UBE2E2: variants seen among roughly 807,000 people sequenced by gnomAD.
UBE2E2 encodes the protein ubiquitin conjugating enzyme E2 E2.
A neutral mutation model predicts 24.7 loss-of-function variants in UBE2E2; 6 were observed. The observed-to-expected ratio is 0.24, with a 90% CI of 0.13 to 0.48. The LOEUF (loss-of-function observed/expected upper bound fraction) is 0.48, where lower values mean the gene tolerates loss of function less well. Among genes scored for constraint, UBE2E2 ranks in the 20% least tolerant of loss-of-function variants. The probability of loss-of-function intolerance (pLI) is 0.99; values close to 1 mark genes in which losing one functional copy is unlikely to be tolerated. For missense variants in UBE2E2, 169 were observed against 245.0 expected, an observed-to-expected ratio of 0.69 and a Z score of 2.07; for synonymous variants, 104 against 83.6, an observed-to-expected ratio of 1.24 and a Z score of -1.33.
rs1237493716 is a variant in UBE2E2 at position 23,298,375 on chromosome 3, A to G, written c.227+81063A>G. ...ATCCCTGTCTTGTGCCAGTTTTCAA[A>G]GGGAATGCTTCCAGTTTTTGCCCAT... On this transcript the variant is annotated intron_variant, in intron 3 of 5. Transcript: ENST00000396703. 2.2e-3 allele frequency among the ~76,000 whole-genome samples: 337 copies of G among 152,146 alleles called. 3 individuals are homozygous for G. The highest frequency in any genetic ancestry group is 7.8e-3 in the African/African-American group (322 of 41,530).
chr3:23,415,947 A>G (rs1194561684), intron 3 of UBE2E2, among the ~76,000 whole-genome samples: 1 of 150,822 alleles, frequency 6.6e-6, no homozygotes, highest in Non-Finnish European at 1.5e-5. Flanking sequence ...CCCTGTGTCC[A>G]TGTGTTCTCA....
chr3:23,537,936 A>G (rs1695304057), intron 5 of UBE2E2, among the ~76,000 whole-genome samples: 1 of 152,178 alleles, frequency 6.6e-6, no homozygotes, highest in Non-Finnish European at 1.5e-5. Flanking sequence ...GACTGATGAA[A>G]GGTACATATA....
chr3:23,383,867 C>T (rs565654736), intron 3 of UBE2E2, among the ~76,000 whole-genome samples: 5 of 150,096 alleles, frequency 3.3e-5, no homozygotes, highest in Non-Finnish European at 5.9e-5. Context: ...AATAGTATAT[C>T]CATCAATGAA....
intron 3 of UBE2E2, among the ~76,000 whole-genome samples, chr3:23,338,746 C>T (rs1695285498): frequency 6.6e-6 from 1 of 151,886 alleles, no homozygotes; most frequent in African/African-American, 2.4e-5. Context: ...TAATAATGGG[C>T]CATAACCCAT....
chr3:23,204,045 G>A (rs1696054836), intron 1 of UBE2E2, among the ~76,000 whole-genome samples: 1 of 152,006 alleles, frequency 6.6e-6, no homozygotes, highest in South Asian at 2.1e-4. Flanking sequence ...GCTTGTCACA[G>A]TTTGGAACCG....
chr3:23,510,925 C>T (rs916308210), intron 4 of UBE2E2, among the ~76,000 whole-genome samples: 1 of 151,984 alleles, frequency 6.6e-6, no homozygotes, highest in Non-Finnish European at 1.5e-5. Context: ...TAGTTCAGCC[C>T]AGAAAAGAAT....
At chr3:23,360,993 A>G (rs773453113) in intron 3 of UBE2E2, among the ~76,000 whole-genome samples, 1 of 152,100 alleles carries the variant, frequency 6.6e-6, no homozygotes, top group Non-Finnish European at 1.5e-5. Flanking sequence ...CAAGAAAAAA[A>G]AATCCCATCA....
intron 3 of UBE2E2, among the ~76,000 whole-genome samples, chr3:23,355,667 T>C (rs539989711): frequency 6.6e-6 from 1 of 152,322 alleles, no homozygotes; most frequent in East Asian, 1.9e-4. Context: ...AGTTTATACC[T>C]ACTGTGCTGG....
At chr3:23,433,273 A>G (rs1276959202) in intron 3 of UBE2E2, among the ~76,000 whole-genome samples, 1 of 151,950 alleles carries the variant, frequency 6.6e-6, no homozygotes, top group African/African-American at 2.4e-5. Flanking sequence ...AAGAATTAGA[A>G]TAACTTCATA....
At chr3:23,471,633 T>A (rs1464221425) in intron 3 of UBE2E2, among the ~76,000 whole-genome samples, 1 of 152,166 alleles carries the variant, frequency 6.6e-6, no homozygotes, top group African/African-American at 2.4e-5. Context: ...AGTTTGATAG[T>A]GCTAAAGCAG....
intron 3 of UBE2E2, 105 bp downstream of exon 3, chr3:23,217,417 ACAT>A (rs1294855450): frequency 3.9e-6 from 4 of 1,038,280 alleles, no homozygotes; most frequent in Non-Finnish European, 5.9e-6. Context: ...ATTAGTAAAA[ACAT>A]CATTGTTGTT....
rs957775818 is a variant in UBE2E2, at chr3:23,499,590, T to G, written c.228-18T>G. 2.5e-6 allele frequency: 4 copies of G among 1,601,218 alleles called. No individual in the cohort carries two copies. In the African/African-American group the frequency reaches 5.4e-5, roughly 22 times the overall value. On this transcript the variant is annotated intron_variant, in intron 3 of 5. Transcript: ENST00000396703. ...TATGTAATTTCTAAGCACATTTCATTTGTATGTCTTATTTCAGTGCTGGAC... is the reference window on the plus strand; with the variant it reads ...TATGTAATTTCTAAGCACATTTCATGTGTATGTCTTATTTCAGTGCTGGAC...
intron 3 of UBE2E2, among the ~76,000 whole-genome samples, chr3:23,357,443 A>G (rs1695989058): frequency 6.6e-6 from 1 of 152,144 alleles, no homozygotes; most frequent in Non-Finnish European, 1.5e-5. Context: ...ATACACATAA[A>G]TGAGATTATA....
intron 2 of UBE2E2, among the ~76,000 whole-genome samples, chr3:23,211,084 A>G (rs1696309938): frequency 6.6e-6 from 1 of 152,178 alleles, no homozygotes; most frequent in African/African-American, 2.4e-5. Context: ...GTTCACTGCC[A>G]TGTCCACAGT....
chr3:23,570,430 G>A (rs1696194023), intron 5 of UBE2E2, among the ~76,000 whole-genome samples: 1 of 152,154 alleles, frequency 6.6e-6, no homozygotes, highest in South Asian at 2.1e-4. Flanking sequence ...ACTGGTAAAT[G>A]TTTAACAAAA....
At chr3:23,424,658 G>T (rs1697882782) in intron 3 of UBE2E2, among the ~76,000 whole-genome samples, 1 of 152,148 alleles carries the variant, frequency 6.6e-6, no homozygotes, top group Admixed American at 6.5e-5. Context: ...TATTGTGTAA[G>T]AGGTTTGTAG....
At chr3:23,389,589 T>C (rs779413446) in intron 3 of UBE2E2, 12 of 252,614 alleles carry the variant, frequency 4.8e-5, no homozygotes, top group Non-Finnish European at 7.4e-5. Context: ...ACTTTAGCTC[T>C]CATCTTCAAG....
chr3:23,520,124 A>AC (rs1694830310), intron 4 of UBE2E2, among the ~76,000 whole-genome samples: 1 of 130,048 alleles, frequency 7.7e-6, no homozygotes, highest in African/African-American at 3.5e-5. Context: ...ATTTTCTTTA[A>AC]TTAAAAAAAA....
chr3:23,582,819 A>G (rs1382380439), intron 5 of UBE2E2, among the ~76,000 whole-genome samples: 3 of 150,644 alleles, frequency 2.0e-5, no homozygotes, highest in Non-Finnish European at 4.4e-5. Context: ...TAGTTTGCAG[A>G]TATTTTCTCC....
Sources: gnomAD v4.1 joint callset for allele counts (sites outside exome capture counted in the v4.1 genomes callset) on GRCh38, gnomAD v4.1.1 for gene constraint, MANE v1.5 for transcripts, NCBI Gene and HGNC (gene_info 2026-07-23, HGNC 2026-07-21) for gene names.